Variants in PDE4D observed in about 807,000 individuals in gnomAD.
PDE4D encodes 3',5'-cyclic-AMP phosphodiesterase 4D.
Under a neutral mutation model 87.4 loss-of-function variants are expected in PDE4D, and 24 were observed. The observed-to-expected ratio is 0.27, with a 90% CI of 0.20 to 0.39. PDE4D has a LOEUF of 0.39. PDE4D is among the 10% of genes least tolerant of loss of function. The pLI, the probability that PDE4D is intolerant of heterozygous loss-of-function variation, is 1.00. For synonymous variants in PDE4D, 384 were observed against 383.2 expected (o/e 1.00, Z -0.02); for missense variants, 714 against 1,041.0 (o/e 0.69, Z 4.32).
In PDE4D at chr5:59,455,045, T is replaced by G. The variant is rs182174535; in HGVS notation, c.456-239077A>C. On this transcript the variant is annotated intron_variant, in intron 1 of 14. Transcript: ENST00000340635. ...TTATAAGGGAAGCAGAGCACAAAAG[T>G]TTGGAAAATTTGCAGCCTGACAATG... 7.9e-5 allele frequency among the ~76,000 whole-genome samples: 12 copies of G among 152,242 alleles called. No individual in the cohort carries two copies. In the East Asian group the frequency reaches 2.1e-3, roughly 27 times the overall value.
At chr5:60,006,077 G>C (rs1444087925) in intron 2 of PDE4D, among the ~76,000 whole-genome samples, 1 of 151,802 alleles carries the variant, frequency 6.6e-6, no homozygotes, top group Non-Finnish European at 1.5e-5. Flanking sequence ...ACTATTTTTA[G>C]ATACATACTA....
intron 5 of PDE4D, among the ~76,000 whole-genome samples, chr5:59,153,521 C>CT (rs1779737717): frequency 6.6e-6 from 1 of 152,190 alleles, no homozygotes; most frequent in Admixed American, 6.5e-5. Flanking sequence ...ATCCCACTTT[C>CT]TCAAATAGGA....
At chr5:60,211,470 A>AAT (rs1005033488) in intron 1 of PDE4D, among the ~76,000 whole-genome samples, 2 of 149,706 alleles carry the variant, frequency 1.3e-5, no homozygotes, top group Admixed American at 6.7e-5. Context: ...TGGGGTAGGG[A>AAT]ATATATATAT....
chr5:60,288,085 A>T (rs1752572525), intron 1 of PDE4D, among the ~76,000 whole-genome samples: 1 of 152,196 alleles, frequency 6.6e-6, no homozygotes. Context: ...ACCTCTGCAG[A>T]CTTTTGTCTG....
chr5:59,953,684 T>C (rs1758534777), intron 3 of PDE4D, among the ~76,000 whole-genome samples: 1 of 152,214 alleles, frequency 6.6e-6, no homozygotes, highest in Admixed American at 6.5e-5. Context: ...CTCACAGTGC[T>C]ATAAATTACA....
intron 5 of PDE4D, among the ~76,000 whole-genome samples, chr5:59,171,933 T>C (rs1782864440): frequency 8.4e-6 from 1 of 118,360 alleles, no homozygotes; most frequent in Non-Finnish European, 1.6e-5. Flanking sequence ...TAATAAATAT[T>C]ATATTTATTT....
At chr5:59,690,972 C>G (rs898744721) in intron 1 of PDE4D, among the ~76,000 whole-genome samples, 4 of 152,186 alleles carry the variant, frequency 2.6e-5, no homozygotes, top group Non-Finnish European at 5.9e-5. Context: ...TGAAAAAATG[C>G]TCATCATCAC....
At chr5:59,432,067 A>C (rs1397537649) in intron 1 of PDE4D, among the ~76,000 whole-genome samples, 1 of 152,088 alleles carries the variant, frequency 6.6e-6, no homozygotes, top group Non-Finnish European at 1.5e-5. Flanking sequence ...TTAACATGCC[A>C]AATGACACAG....
chr5:59,505,264 A>G (rs968417639), intron 1 of PDE4D, among the ~76,000 whole-genome samples: 3 of 152,186 alleles, frequency 2.0e-5, no homozygotes, highest in East Asian at 3.8e-4. Context: ...AGTTGAAAAC[A>G]TTCACCTGCC....
intron 1 of PDE4D, among the ~76,000 whole-genome samples, chr5:60,380,677 A>G (rs1233991338): frequency 6.6e-6 from 1 of 152,222 alleles, no homozygotes; most frequent in Non-Finnish European, 1.5e-5. Flanking sequence ...TAACATCCTA[A>G]GTTCACTGAT....
intron 1 of PDE4D, among the ~76,000 whole-genome samples, chr5:60,426,320 C>T (rs1002147765): frequency 1.3e-5 from 2 of 152,158 alleles, no homozygotes; most frequent in Non-Finnish European, 2.9e-5. Flanking sequence ...GAAAATGTGG[C>T]ACATATATAC....
chr5:59,756,509 T>C (rs6149044), intron 1 of PDE4D, among the ~76,000 whole-genome samples: 34 of 145,020 alleles, frequency 2.3e-4, no homozygotes, highest in South Asian at 6.6e-4. Context: ...ACCCAAAACA[T>C]ACACACACAC....
At chr5:59,639,933 GT>G (rs1355838482) in intron 1 of PDE4D, among the ~76,000 whole-genome samples, 1 of 147,608 alleles carries the variant, frequency 6.8e-6, no homozygotes, top group African/African-American at 2.5e-5. Flanking sequence ...TGATGTAACA[GT>G]TCTTTTTTTT....
intron 5 of PDE4D, among the ~76,000 whole-genome samples, chr5:59,073,600 T>C (rs1765231233): frequency 6.6e-6 from 1 of 151,678 alleles, no homozygotes; most frequent in African/African-American, 2.4e-5. Context: ...GTAAAGACAC[T>C]GTTGTTCCCT....
At chr5:59,393,488 G>T (rs1788658808) in intron 1 of PDE4D, among the ~76,000 whole-genome samples, 1 of 152,156 alleles carries the variant, frequency 6.6e-6, no homozygotes, top group South Asian at 2.1e-4. Flanking sequence ...ATGTGTTAAT[G>T]ATTTTAGTGT....
chr5:59,447,589 A>C (rs955484937), intron 1 of PDE4D, among the ~76,000 whole-genome samples: 1 of 152,268 alleles, frequency 6.6e-6, no homozygotes, highest in Admixed American at 6.5e-5. Flanking sequence ...TAAGAAGAAA[A>C]GGAATAGTAA....
intron 1 of PDE4D, among the ~76,000 whole-genome samples, chr5:59,707,209 A>G (rs1753547889): frequency 6.6e-6 from 1 of 152,214 alleles, no homozygotes; most frequent in African/African-American, 2.4e-5. Context: ...AGTAAAAATG[A>G]CATAGTACAT....
intron 1 of PDE4D, among the ~76,000 whole-genome samples, chr5:59,792,628 G>A (rs1170005094): frequency 1.3e-5 from 2 of 152,180 alleles, no homozygotes; most frequent in Middle Eastern, 3.2e-3. Flanking sequence ...CTGAGAATAA[G>A]TGAATATGCA....
chr5:59,322,778 A>C, intron 1 of PDE4D, among the ~76,000 whole-genome samples: 1 of 152,180 alleles, frequency 6.6e-6, no homozygotes, highest in South Asian at 2.1e-4. Flanking sequence ...CCACATTGGG[A>C]GTTGTAAACT....
Sources: allele counts gnomAD v4.1 joint callset (sites outside exome capture counted in the v4.1 genomes callset), GRCh38; gene constraint gnomAD v4.1.1; transcripts MANE v1.5; gene names NCBI Gene and HGNC (gene_info 2026-07-23, HGNC 2026-07-21).